Variants in LRRC28 observed in about 807,000 individuals in gnomAD.
LRRC28 encodes the protein leucine rich repeat containing 28, also known as leucine-rich repeat-containing protein 28.
Under a neutral mutation model 45.7 loss-of-function variants are expected in LRRC28, and 39 were observed. The ratio of observed to expected loss-of-function variants is 0.85; its 90% confidence interval spans 0.66 to 1.12. LRRC28 has a LOEUF of 1.12. Among genes scored for constraint, LRRC28 ranks in the 50% most tolerant of loss-of-function variants. The probability of loss-of-function intolerance (pLI) is 0.00; values close to 1 mark genes in which losing one functional copy is unlikely to be tolerated. For synonymous variants in LRRC28, 206 were observed against 178.8 expected (o/e 1.15, Z -1.22); for missense variants, 435 against 438.5 (o/e 0.99, Z 0.07).
chr15:99,295,969 CT>C (rs2082251226), intron 5 of LRRC28, among the ~76,000 whole-genome samples: 1 of 152,180 alleles, frequency 6.6e-6, no homozygotes, highest in Non-Finnish European at 1.5e-5. Context: ...CCATTGCCAC[CT>C]GAATTGTTGT....
At chr15:99,271,678 C>T (rs193288238) in intron 2 of LRRC28, among the ~76,000 whole-genome samples, 1 of 152,296 alleles carries the variant, frequency 6.6e-6, no homozygotes, top group East Asian at 1.9e-4. Context: ...CTCACTGCAA[C>T]CTCCCCCTCC....
At chr15:99,355,039 T>C (rs1175562782) in intron 7 of LRRC28, among the ~76,000 whole-genome samples, 1 of 152,124 alleles carries the variant, frequency 6.6e-6, no homozygotes, top group African/African-American at 2.4e-5. Context: ...AGAGAGACAA[T>C]GGGGTATAAA....
intron 5 of LRRC28, among the ~76,000 whole-genome samples, chr15:99,323,911 A>G (rs1462036926): frequency 6.6e-6 from 1 of 152,200 alleles, no homozygotes. Flanking sequence ...AAGTAACAGG[A>G]TTATGGTTTG....
At position 99,252,517 on chromosome 15, in the gene LRRC28, G is replaced by A. The variant is rs116040994; in HGVS notation, c.-61+976G>A. 1.2e-3 allele frequency among the ~76,000 whole-genome samples: 176 copies of A among 152,310 alleles called. 2 individuals are homozygous for A. Among genetic ancestry groups the A allele is most frequent in the African/African-American group, 3.4e-3 (142 of 41,560 alleles). ...GAGTGTGGTTTTGCATTATAGGGCG[G>A]CGGTGCACACGCTTTGTAGTCAGTC... is the stretch of plus-strand genomic sequence containing the variant. On this transcript the variant is annotated intron_variant, in intron 1 of 9. Coordinates refer to ENST00000301981, the MANE Select transcript of LRRC28 (RefSeq NM_144598.5).
chr15:99,310,926 C>A (rs1955383837), intron 5 of LRRC28, among the ~76,000 whole-genome samples: 1 of 152,118 alleles, frequency 6.6e-6, no homozygotes, highest in Non-Finnish European at 1.5e-5. Context: ...TATTTGCAGG[C>A]CTTTTTGACA....
At chr15:99,333,728 G>A in intron 5 of LRRC28, 195 bp from the exon 6 acceptor site, 2 of 616,550 alleles carry the variant, frequency 3.2e-6, no homozygotes, top group African/African-American at 1.8e-5. Context: ...AGAAATGTTG[G>A]CAGGGTAATT....
At chr15:99,308,745 A>G (rs1271689271) in intron 5 of LRRC28, among the ~76,000 whole-genome samples, 1 of 152,186 alleles carries the variant, frequency 6.6e-6, no homozygotes, top group Non-Finnish European at 1.5e-5. Context: ...TGCATAACAA[A>G]TTACCACAAA....
At chr15:99,266,556 C>T (rs1316165959) in intron 2 of LRRC28, among the ~76,000 whole-genome samples, 1 of 152,098 alleles carries the variant, frequency 6.6e-6, no homozygotes, top group Non-Finnish European at 1.5e-5. Flanking sequence ...GTCACATACT[C>T]CTAATGGAAA....
intron 5 of LRRC28, among the ~76,000 whole-genome samples, chr15:99,317,995 C>T (rs1955657342): frequency 2.0e-5 from 3 of 152,148 alleles, no homozygotes. Context: ...TGCCTTGCAG[C>T]AAAGCAGTAG....
At chr15:99,300,028 C>A (rs1270196406) in intron 5 of LRRC28, among the ~76,000 whole-genome samples, 1 of 152,098 alleles carries the variant, frequency 6.6e-6, no homozygotes, top group Non-Finnish European at 1.5e-5. Context: ...TAAAGCCCGG[C>A]AGAGCTGTTT....
Position 99,387,334 on chromosome 15 carries a change from A to G in LRRC28, c.*1232A>G, listed in dbSNP as rs1235765302. ...CTCGGCCTCCCAAAGTGCTGGGATT[A>G]CAGGCGTGAGCCACCGCGCCCGGCC... On this transcript the variant is annotated 3_prime_UTR_variant, in exon 10 of 10. Transcript: ENST00000301981. 1.3e-5 allele frequency: 2 copies of G among 152,210 alleles called. No homozygotes were observed. The highest frequency in any genetic ancestry group is 2.4e-5 in the African/African-American group (1 of 41,446). 9.4% of individuals were successfully genotyped at this position (152,210 alleles called of 1,614,324 possible).
chr15:99,342,975 G>T (rs1399654132), intron 6 of LRRC28, among the ~76,000 whole-genome samples: 1 of 152,102 alleles, frequency 6.6e-6, no homozygotes, highest in Non-Finnish European at 1.5e-5. Flanking sequence ...TGGTTGAAGG[G>T]TTCTCTTTGT....
intron 2 of LRRC28, among the ~76,000 whole-genome samples, chr15:99,260,714 C>T (rs962252457): frequency 6.6e-6 from 1 of 152,114 alleles, no homozygotes; most frequent in Non-Finnish European, 1.5e-5. Context: ...GGAATGTTTG[C>T]TGATGTTAAA....
At chr15:99,324,454 G>A (rs1316234207) in intron 5 of LRRC28, among the ~76,000 whole-genome samples, 1 of 152,110 alleles carries the variant, frequency 6.6e-6, no homozygotes, top group Admixed American at 6.6e-5. Flanking sequence ...GAAAAAGCAA[G>A]TGCTTAAAAA....
intron 7 of LRRC28, among the ~76,000 whole-genome samples, chr15:99,357,458 A>G (rs1352768204): frequency 1.3e-5 from 2 of 152,238 alleles, no homozygotes; most frequent in South Asian, 2.1e-4. Context: ...TTCCAGAAGT[A>G]TAATGTTGAC....
chr15:99,347,571 T>C (rs966490639), intron 6 of LRRC28, among the ~76,000 whole-genome samples: 1 of 152,252 alleles, frequency 6.6e-6, no homozygotes, highest in Non-Finnish European at 1.5e-5. Context: ...TTTCACTTAG[T>C]ATAATGTCTT....
chr15:99,335,008 A>C (rs1212401974), intron 6 of LRRC28, among the ~76,000 whole-genome samples: 1 of 152,190 alleles, frequency 6.6e-6, no homozygotes, highest in Non-Finnish European at 1.5e-5. Flanking sequence ...AATCAATGGA[A>C]GTAATAATCA....
At chr15:99,380,802 T>C (rs1957796403) in intron 9 of LRRC28, among the ~76,000 whole-genome samples, 1 of 152,238 alleles carries the variant, frequency 6.6e-6, no homozygotes, top group Non-Finnish European at 1.5e-5. Context: ...AAGCTTAATT[T>C]GGCTGGATAT....
intron 9 of LRRC28, 189 bp downstream of exon 9, chr15:99,363,454 T>C (rs974182824): frequency 3.4e-6 from 2 of 586,678 alleles, no homozygotes; most frequent in Admixed American, 3.4e-5. Context: ...CCTTTATTAA[T>C]TTTTTGGTCA....
Sources: gnomAD v4.1 joint callset for allele counts (sites outside exome capture counted in the v4.1 genomes callset) on GRCh38, gnomAD v4.1.1 for gene constraint, MANE v1.5 for transcripts, NCBI Gene and HGNC (gene_info 2026-07-23, HGNC 2026-07-21) for gene names.